FCRL4: variants seen among roughly 807,000 people sequenced by gnomAD.
FCRL4 encodes the protein Fc receptor like 4.
Under a neutral mutation model 64.1 loss-of-function variants are expected in FCRL4, and 43 were observed. The ratio of observed to expected loss-of-function variants is 0.67; its 90% CI spans 0.53 to 0.87. FCRL4 has a LOEUF of 0.87. FCRL4 is among the 40% of genes least tolerant of loss of function. The pLI is 0.00. For missense variants in FCRL4, 656 were observed against 613.5 expected, an observed-to-expected ratio of 1.07 and a Z score of -0.73; for synonymous variants, 253 against 239.8, an observed-to-expected ratio of 1.05 and a Z score of -0.51.
chr1:157,588,698 G>T (rs1000743145), intron 3 of FCRL4, among the ~76,000 whole-genome samples: 1 of 152,204 alleles, frequency 6.6e-6, no homozygotes, highest in African/African-American at 2.4e-5. Context: ...CCTTGGAAGT[G>T]ACCAAAATCA....
Position 157,588,097 on chromosome 1 carries a change from T to C in FCRL4, c.330A>G (p.Pro110=), listed in dbSNP as rs1313647482. The change falls in exon 4 of 12, where the codon CCA becomes CCG. Residue 110 remains proline (P), a synonymous_variant. Coordinates refer to ENST00000271532, the MANE Select transcript of FCRL4 (RefSeq NM_031282.3). ...ATGTGTCACCTTCAAACACAGAATATGGTGCCTGCAGGATTAAGGAGTCTG... is the reference window on the plus strand; with the variant it reads ...ATGTGTCACCTTCAAACACAGAATACGGTGCCTGCAGGATTAAGGAGTCTG... ...FSSDSLILQA[P]YSVFEGDTLV... The C allele has an allele frequency of 1.9e-6, 3 of 1,613,570 alleles. No individual in the cohort carries two copies. The highest frequency in any genetic ancestry group is 2.5e-6 in the Non-Finnish European group (3 of 1,179,808).
intron 2 of FCRL4, among the ~76,000 whole-genome samples, chr1:157,591,016 C>A (rs753514911): frequency 9.2e-5 from 14 of 152,088 alleles, no homozygotes; most frequent in Non-Finnish European, 1.0e-4. Flanking sequence ...ACCAATAAGG[C>A]CCAGATACTT....
Position 157,587,531 on chromosome 1 carries a change from T to C in FCRL4, c.592A>G (p.Thr198Ala). ...TTCCCCTCTGTAGGCTGAGAGTCTG[T>C]AGCTTTCAGCTCTGGATGTGGAAAT... ...ELFPHPELKA[T>A]DSQPTEGNSV... The change falls in exon 5 of 12, where the codon ACA becomes GCA. Residue 198 changes from threonine (T) to alanine (A), a missense_variant. Transcript: ENST00000271532. 6.2e-6 allele frequency: 10 copies of C among 1,614,156 alleles called. No homozygotes were observed. The highest frequency in any genetic ancestry group is 2.2e-5 in the East Asian group (1 of 44,886).
intron 2 of FCRL4, among the ~76,000 whole-genome samples, chr1:157,590,546 C>T (rs1249832942): frequency 2.1e-5 from 3 of 143,714 alleles, no homozygotes; most frequent in Non-Finnish European, 4.5e-5. Context: ...TAGACAGAGT[C>T]TCACTCTGTC....
At chr1:157,580,586 C>A (rs1342278353) in intron 7 of FCRL4, 3 of 508,318 alleles carry the variant, frequency 5.9e-6, no homozygotes, top group African/African-American at 1.9e-5. Context: ...TATTAAGACT[C>A]AAGTCTGTGT....
intron 2 of FCRL4, among the ~76,000 whole-genome samples, chr1:157,590,353 T>A (rs1480546118): frequency 6.6e-6 from 1 of 152,174 alleles, no homozygotes; most frequent in East Asian, 1.9e-4. Flanking sequence ...GATCATCATG[T>A]CAGTGCTTAA....
At position 157,588,105 on chromosome 1, in the gene FCRL4, G is replaced by T. The variant is rs1232683785; in HGVS notation, c.322C>A (p.Gln108Lys). Reference sequence around the variant, plus strand: ...CCTTCAAACACAGAATATGGTGCCTGCAGGATTAAGGAGTCTGGAAAAGAC... The same window carrying T: ...CCTTCAAACACAGAATATGGTGCCTTCAGGATTAAGGAGTCTGGAAAAGAC... ...LLFSSDSLIL[Q>K]APYSVFEGDT... Residue 108 changes from glutamine (Q) to lysine (K), a missense_variant, in exon 4 of 12, where the codon CAG (glutamine) becomes AAG (lysine). Physicochemically the swap from Gln to Lys is moderately conservative, Grantham distance 53 (BLOSUM62 1). Coordinates refer to ENST00000271532, the MANE Select transcript of FCRL4 (RefSeq NM_031282.3). The T allele has an allele frequency of 5.6e-6, 9 of 1,612,338 alleles. No homozygotes were observed. The highest frequency in any genetic ancestry group is 7.6e-6 in the Non-Finnish European group (9 of 1,179,336).
chr1:157,585,347 T>TC (rs1652656245), intron 6 of FCRL4, among the ~76,000 whole-genome samples: 90 of 26,022 alleles, frequency 3.5e-3, no homozygotes, highest in South Asian at 9.8e-3. Context: ...TCTCTCTCTC[T>TC]TTCTTTCTTT....
Position 157,575,290 on chromosome 1 carries a change from G to A in FCRL4, c.*234C>T, listed in dbSNP as rs1417164010. ...TCAGGCCCACAGCAAATACTACAGGGTCTTCTCTTAACTGTGGATCCTGGT... is the reference window on the plus strand; with the variant it reads ...TCAGGCCCACAGCAAATACTACAGGATCTTCTCTTAACTGTGGATCCTGGT... On this transcript the variant is annotated 3_prime_UTR_variant, in exon 12 of 12. Coordinates refer to ENST00000271532, the MANE Select transcript of FCRL4 (RefSeq NM_031282.3). The A allele has an allele frequency of 1.8e-6, 1 of 550,726 alleles. No individual in the cohort carries two copies. The highest frequency in any genetic ancestry group is 3.3e-6 in the Non-Finnish European group (1 of 306,104). The allele number at this position is 550,726 out of a possible 1,614,324, so 34.1% of individuals were successfully genotyped here.
In FCRL4 at chr1:157,581,586, A is replaced by C. The variant is rs541602034; in HGVS notation, c.1194T>G (p.Ser398Arg). Residue 398 changes from serine (S) to arginine (R), a missense_variant, in exon 7 of 12, where the codon AGT (serine) becomes AGG (arginine). Transcript: ENST00000271532. ...GCAGGGCCACAGCCAGGAGAAGAGC[A>C]CTGAGCAGCCCTCCAGTGGCTCCCG... ...VAAGATGGLLSALLLAVALLF... is the reference protein window; with the variant it reads ...VAAGATGGLLRALLLAVALLF... 2.2e-5 allele frequency: 36 copies of C among 1,614,130 alleles called. No homozygotes were observed. The Admixed American group carries it at 3.2e-4, about 14-fold the overall frequency.
At chr1:157,590,512 G>A (rs1652814874) in intron 2 of FCRL4, among the ~76,000 whole-genome samples, 1 of 146,574 alleles carries the variant, frequency 6.8e-6, no homozygotes, top group South Asian at 2.2e-4. Context: ...TCACTTGTTA[G>A]TCTGTCTTTT....
chr1:157,591,749 T>A (rs1328023979), intron 2 of FCRL4, among the ~76,000 whole-genome samples: 1 of 152,138 alleles, frequency 6.6e-6, no homozygotes, highest in Non-Finnish European at 1.5e-5. Context: ...ATAATGCAAA[T>A]TAAAAATAAG....
At chr1:157,581,392 G>A in intron 7 of FCRL4, 139 bp downstream of exon 7, 4 of 656,960 alleles carry the variant, frequency 6.1e-6, no homozygotes, top group Non-Finnish European at 1.1e-5. Flanking sequence ...GGACGGACGT[G>A]AGTGTGTGTG....
chr1:157,596,475 C>T, intron 1 of FCRL4, 127 bp from the exon 2 acceptor site: 2 of 1,061,440 alleles, frequency 1.9e-6, no homozygotes, highest in Non-Finnish European at 2.8e-6. Flanking sequence ...TTCCATCCAT[C>T]CCAGGGAAGC....
rs769582713 is a variant in FCRL4 at position 157,587,604 on chromosome 1, A to G, written c.563-44T>C. On this transcript the variant is annotated intron_variant, in intron 4 of 11. Coordinates refer to ENST00000271532, the MANE Select transcript of FCRL4 (RefSeq NM_031282.3). ...TCAAGTTCTGAGCACGAGAGTATTT[A>G]GGACTCTGTGAGAGACAGGTTTGGA... is the stretch of plus-strand genomic sequence containing the variant. The G allele has an allele frequency of 3.1e-6, 5 of 1,588,282 alleles. No homozygotes were observed. The South Asian group carries it at 4.5e-5, about 14-fold the overall frequency.
intron 2 of FCRL4, among the ~76,000 whole-genome samples, chr1:157,593,388 T>A (rs1652882384): frequency 6.6e-6 from 1 of 152,162 alleles, no homozygotes; most frequent in South Asian, 2.1e-4. Flanking sequence ...CTCAGCTTTC[T>A]CCAATGTGCT....
intron 10 of FCRL4, among the ~76,000 whole-genome samples, chr1:157,578,116 CAT>C (rs756330734): frequency 1.3e-5 from 2 of 151,982 alleles, no homozygotes; most frequent in Non-Finnish European, 2.9e-5. Context: ...TGTATGTATA[CAT>C]ATATATATGT....
Position 157,587,502 on chromosome 1 carries a change from A to G in FCRL4, c.621T>C (p.Ser207=). Residue 207 remains serine (S), a synonymous_variant, in exon 5 of 12, where the codon TCT becomes TCC. Transcript: ENST00000271532. ...GCTGTGTTTCACAGCTCAGGTTTAC[A>G]GAATTCCCCTCTGTAGGCTGAGAGT... The part of the protein sequence containing the change: ...ATDSQPTEGN[S]VNLSCETQLP... 2 of 1,614,228 alleles carry G rather than the reference A, an allele frequency of 1.2e-6. No individual in the cohort carries two copies. The highest frequency in any genetic ancestry group is 1.7e-6 in the Non-Finnish European group (2 of 1,180,024).
chr1:157,583,031 A>G (rs1242608508), intron 6 of FCRL4, among the ~76,000 whole-genome samples: 2 of 152,212 alleles, frequency 1.3e-5, no homozygotes, highest in Admixed American at 6.5e-5. Context: ...GGGGAAAGTA[A>G]TTGAAATTTT....
Sources: gnomAD v4.1 joint callset for allele counts (sites outside exome capture counted in the v4.1 genomes callset) on GRCh38, gnomAD v4.1.1 for gene constraint, MANE v1.5 for transcripts, NCBI Gene and HGNC (gene_info 2026-07-23, HGNC 2026-07-21) for gene names.